The following NEB variants were observed in gnomAD, a reference collection of about 807,000 sequenced individuals.
NEB encodes the protein nemaline myopathy type 2.
A neutral mutation model predicts 952.2 loss-of-function variants in NEB; 512 were observed. That is an observed-to-expected ratio of 0.54 (90% CI 0.50 to 0.58). The LOEUF (loss-of-function observed/expected upper bound fraction) is 0.58. Ranked by LOEUF, NEB falls within the 20% of genes least tolerant of loss-of-function variation. The pLI is 0.00. For synonymous variants in NEB, 2,900 were observed against 3,149.8 expected (o/e 0.92, Z 2.66); for missense variants, 8,428 against 9,231.1 (o/e 0.91, Z 3.56).
intron 20 of NEB, 157 bp from the exon 21 acceptor site, chr2:151,692,519 T>C (rs1194806898): frequency 1.4e-6 from 1 of 691,398 alleles, no homozygotes; most frequent in Admixed American, 2.1e-5. Flanking sequence ...ATAGATGTGG[T>C]AGAGGCTCAT....
chr2:151,628,127 T>C (rs2098560217), intron 68 of NEB, among the ~76,000 whole-genome samples: 1 of 152,196 alleles, frequency 6.6e-6, no homozygotes, highest in Admixed American at 6.5e-5. Flanking sequence ...ACGTTAAGTT[T>C]CTGAAAATAA....
chr2:151,640,597 G>C lies in NEB; in HGVS notation c.8443C>G (p.Pro2815Ala). ...HIGARAIRDD[P>A]KMMWSMHVAK... ...ACGTGCATGGACCACATCATCTTGGGGTCATCACGTATAGCTCGGGCACCA... is the reference window on the plus strand; with the variant it reads ...ACGTGCATGGACCACATCATCTTGGCGTCATCACGTATAGCTCGGGCACCA... The change falls in exon 61 of 182, where the codon CCC (proline) becomes GCC (alanine). Residue 2815 changes from proline to alanine, a missense_variant. Pro to Ala is a conservative substitution (Grantham distance 27). Transcript: ENST00000397345. The C allele has an allele frequency of 6.2e-7, 1 of 1,613,848 alleles. No individual in the cohort carries two copies. Among genetic ancestry groups the C allele is most frequent in the East Asian group, 2.2e-5 (1 of 44,858 alleles).
At chr2:151,720,251 C>T (rs2099770573) in intron 9 of NEB, among the ~76,000 whole-genome samples, 1 of 152,150 alleles carries the variant, frequency 6.6e-6, no homozygotes, top group African/African-American at 2.4e-5. Flanking sequence ...AAGAAGGACA[C>T]AGGAAGATAG....
chr2:151,556,662 C>T (rs541404513), intron 124 of NEB, among the ~76,000 whole-genome samples: 3 of 152,242 alleles, frequency 2.0e-5, no homozygotes, highest in South Asian at 4.1e-4. Flanking sequence ...GAAGAGCTAA[C>T]TATCCTAAAT....
rs753576597 is a variant in NEB at position 151,494,272 on chromosome 2, TCCAAAAAG to T, written c.24487-27_24487-20del. ...ACAAAACCTATGGGAATCCAATGGGTCCAAAAAGCCAAAAAGAAAAAGAGTTAACAGTT... is the reference window on the plus strand; with the variant it reads ...ACAAAACCTATGGGAATCCAATGGGTCCAAAAAGAAAAAGAGTTAACAGTT... On this transcript the variant is annotated intron_variant, in intron 173 of 181. Transcript: ENST00000397345. 1.5e-5 allele frequency: 22 copies of T among 1,516,570 alleles called. No homozygotes were observed. Among genetic ancestry groups the T allele is most frequent in the Non-Finnish European group, 1.9e-5 (21 of 1,108,258 alleles). 93.9% of individuals were successfully genotyped at this position (1,516,570 alleles called of 1,614,324 possible).
chr2:151,709,788 G>T, intron 11 of NEB, 25 bp from the exon 12 acceptor site: 1 of 1,507,280 alleles, frequency 6.6e-7, no homozygotes. Context: ...ACAAGCTGAA[G>T]AACTGCTGTG....
At chr2:151,545,301 C>T (rs925675818) in intron 135 of NEB, among the ~76,000 whole-genome samples, 1 of 152,122 alleles carries the variant, frequency 6.6e-6, no homozygotes, top group Non-Finnish European at 1.5e-5. Flanking sequence ...CTAGGCCAGG[C>T]GTGGTGGCTC....
At chr2:151,553,271 A>G in intron 127 of NEB, 127 bp downstream of exon 127, 1 of 755,192 alleles carries the variant, frequency 1.3e-6, no homozygotes, top group Non-Finnish European at 2.3e-6. Context: ...GCTCCTAGCA[A>G]CTTTCTCCAG....
chr2:151,679,660 G>GTGC, intron 32 of NEB, 61 bp downstream of exon 32: 5 of 682,630 alleles, frequency 7.3e-6, no homozygotes, highest in East Asian at 2.7e-5. Flanking sequence ...GTCATCGTCA[G>GTGC]ACCCCAAGCC....
chr2:151,709,234 C>G (rs145376497), intron 12 of NEB, among the ~76,000 whole-genome samples: 1 of 152,126 alleles, frequency 6.6e-6, no homozygotes, highest in Non-Finnish European at 1.5e-5. Context: ...TCATATAAGG[C>G]CACCAATTGC....
Position 151,527,027 on chromosome 2 carries a change from G to T in NEB, c.21841-5C>A, listed in dbSNP as rs1447082461. On this transcript the variant is annotated splice_polypyrimidine_tract_variant and splice_region_variant and intron_variant, in intron 147 of 181. Transcript: ENST00000397345. ...CCGGTCCAGCTTATATTCAAACTGT[G>T]ATAGAAGAAAGGCAGAAGAAAAGGG... The T allele has an allele frequency of 6.3e-7, 1 of 1,575,540 alleles. No individual in the cohort carries two copies. Among genetic ancestry groups the T allele is most frequent in the South Asian group, 1.2e-5 (1 of 86,710 alleles).
chr2:151,694,589 T>C lies in NEB; in HGVS notation c.1715A>G (p.Lys572Arg). 6.2e-7 allele frequency: 1 copy of C among 1,603,222 alleles called. No homozygotes were observed. Among genetic ancestry groups the C allele is most frequent in the Non-Finnish European group, 8.5e-7 (1 of 1,173,984 alleles). The change falls in exon 19 of 182, where the codon AAG (lysine) becomes AGG (arginine). Residue 572 changes from lysine to arginine, a missense_variant. Lys to Arg is a conservative substitution (Grantham distance 26). Coordinates refer to ENST00000397345, the MANE Select transcript of NEB (RefSeq NM_001164508.2). ...KQDWEKSKAK[K>R]FDIKVDAIPL... ...AATGGCATCCACTTTAATGTCAAAC[T>C]TTTTGGCTTTGCTCTTCTCCCAGTC...
At chr2:151,712,818 A>G (rs1450065507) in intron 10 of NEB, among the ~76,000 whole-genome samples, 2 of 152,050 alleles carry the variant, frequency 1.3e-5, no homozygotes, top group Admixed American at 1.3e-4. Context: ...GCTTTTGTAC[A>G]ATACATGGAG....
At chr2:151,683,207 T>C (rs2099440584) in intron 28 of NEB, among the ~76,000 whole-genome samples, 1 of 152,238 alleles carries the variant, frequency 6.6e-6, no homozygotes, top group African/African-American at 2.4e-5. Context: ...TAAGACTTAA[T>C]AGAACTATTC....
chr2:151,556,689 C>A (rs2095664349), intron 124 of NEB, among the ~76,000 whole-genome samples: 1 of 152,134 alleles, frequency 6.6e-6, no homozygotes, highest in Non-Finnish European at 1.5e-5. Context: ...ACACCCAACA[C>A]AGGAGCACGC....
At chr2:151,512,019 C>CTTTTTTT (rs71403173) in intron 161 of NEB, among the ~76,000 whole-genome samples, 1 of 93,586 alleles carries the variant, frequency 1.1e-5, no homozygotes, top group African/African-American at 4.3e-5. Flanking sequence ...CCCTCTCACT[C>CTTTTTTT]TTTTTTTTTT....
At chr2:151,646,019 G>T in intron 55 of NEB, 111 bp downstream of exon 55, 1 of 772,466 alleles carries the variant, frequency 1.3e-6, no homozygotes, top group Non-Finnish European at 2.1e-6. Flanking sequence ...GTCATATGTA[G>T]TTAATTAATT....
intron 105 of NEB, among the ~76,000 whole-genome samples, chr2:151,578,743 G>GA (rs1268216312): frequency 6.7e-6 from 1 of 148,526 alleles, no homozygotes; most frequent in African/African-American, 2.5e-5. Flanking sequence ...AGGAAGGAAG[G>GA]AGAGAAGGAA....
At chr2:151,549,184 C>A (rs1462346712) in intron 130 of NEB, among the ~76,000 whole-genome samples, 2 of 152,174 alleles carry the variant, frequency 1.3e-5, no homozygotes, top group Admixed American at 6.5e-5. Context: ...CAGCCAGCAG[C>A]TAGGCAAGAA....
Sources: gnomAD v4.1 joint callset for allele counts (sites outside exome capture counted in the v4.1 genomes callset) on GRCh38, gnomAD v4.1.1 for gene constraint, MANE v1.5 for transcripts, NCBI Gene and HGNC (gene_info 2026-07-23, HGNC 2026-07-21) for gene names.